Variants in TULP3 observed in about 807,000 individuals in gnomAD.
The protein encoded by TULP3 is TUB like protein 3, also known as tubby-related protein 3.
Under a neutral mutation model 50.7 loss-of-function variants are expected in TULP3, and 38 were observed. The ratio of observed to expected loss-of-function variants is 0.75; its 90% CI spans 0.58 to 0.98. The LOEUF is 0.98. TULP3 is among the 50% of genes least tolerant of loss of function. The pLI is 0.00. For missense variants in TULP3, 550 were observed against 568.0 expected (o/e 0.97, Z 0.32); for synonymous variants, 183 against 196.6 (o/e 0.93, Z 0.58).
intron 1 of TULP3, among the ~76,000 whole-genome samples, chr12:2,905,796 T>C (rs998905351): frequency 6.6e-6 from 1 of 151,896 alleles, no homozygotes; most frequent in Non-Finnish European, 1.5e-5. Context: ...TTGAAAACTT[T>C]AGTCATATGC....
chr12:2,924,404 A>G (rs1030374413), intron 4 of TULP3, among the ~76,000 whole-genome samples: 4 of 152,294 alleles, frequency 2.6e-5, no homozygotes, highest in South Asian at 4.1e-4. Context: ...AAGGCTGGAC[A>G]TGGTGGCTCA....
intron 3 of TULP3, among the ~76,000 whole-genome samples, chr12:2,921,531 A>G (rs1189575402): frequency 1.3e-5 from 2 of 152,170 alleles, no homozygotes; most frequent in Non-Finnish European, 2.9e-5. Context: ...GAGGTGAATC[A>G]TGAAGCCGGG....
intron 2 of TULP3, among the ~76,000 whole-genome samples, chr12:2,911,501 T>C (rs1366180211): frequency 3.3e-5 from 5 of 150,398 alleles, no homozygotes; most frequent in African/African-American, 4.9e-5. Flanking sequence ...TACAGGCGCC[T>C]GCCACCACGC....
intron 2 of TULP3, among the ~76,000 whole-genome samples, chr12:2,920,108 G>A (rs190162529): frequency 1.3e-5 from 2 of 151,820 alleles, no homozygotes; most frequent in African/African-American, 2.4e-5. Flanking sequence ...CCCTTGCTGT[G>A]TTCCTCCATC....
intron 4 of TULP3, among the ~76,000 whole-genome samples, chr12:2,927,958 C>T (rs1461308901): frequency 2.6e-5 from 4 of 152,124 alleles, no homozygotes; most frequent in Non-Finnish European, 5.9e-5. Context: ...TGTACTCCCA[C>T]ATATAAATCT....
chr12:2,916,079 G>A (rs2098188507), intron 2 of TULP3, among the ~76,000 whole-genome samples: 1 of 152,100 alleles, frequency 6.6e-6, no homozygotes, highest in Admixed American at 6.6e-5. Flanking sequence ...GCGCGATCTT[G>A]GCTCACTGCA....
intron 2 of TULP3, among the ~76,000 whole-genome samples, chr12:2,914,802 T>C (rs2098187695): frequency 2.0e-5 from 3 of 151,696 alleles, no homozygotes; most frequent in Non-Finnish European, 4.4e-5. Context: ...CTGGCTAATT[T>C]TTGTATTTTT....
intron 2 of TULP3, among the ~76,000 whole-genome samples, chr12:2,919,805 T>G (rs192761863): frequency 6.6e-6 from 1 of 152,156 alleles, no homozygotes; most frequent in East Asian, 1.9e-4. Context: ...CTTTTCTTGC[T>G]ACCATAGTCT....
chr12:2,902,893 G>A (rs1248997516), intron 1 of TULP3, among the ~76,000 whole-genome samples: 6 of 143,826 alleles, frequency 4.2e-5, no homozygotes, highest in Non-Finnish European at 6.0e-5. Flanking sequence ...ACAGAGTCTC[G>A]CGCTGTTGCC....
chr12:2,895,373 A>G (rs559504940), intron 1 of TULP3, among the ~76,000 whole-genome samples: 1 of 152,318 alleles, frequency 6.6e-6, no homozygotes, highest in African/African-American at 2.4e-5. Context: ...TTTCAAGTAG[A>G]GGACAGCTGA....
At chr12:2,903,758 CT>C (rs1361823132) in intron 1 of TULP3, among the ~76,000 whole-genome samples, 9 of 151,938 alleles carry the variant, frequency 5.9e-5, no homozygotes, top group Non-Finnish European at 1.0e-4. Flanking sequence ...CAAGTTTCCC[CT>C]AATGTTAACG....
At chr12:2,911,358 T>C (rs2153948905) in intron 2 of TULP3, among the ~76,000 whole-genome samples, 1 of 148,668 alleles carries the variant, frequency 6.7e-6, no homozygotes, top group Middle Eastern at 3.5e-3. Flanking sequence ...GTCAGTGAAT[T>C]TTTTTTTTTT....
At chr12:2,934,616 TTTTCACCTAGTGTC>T in intron 8 of TULP3, 55 bp downstream of exon 8, 7 of 1,193,306 alleles carry the variant, frequency 5.9e-6, no homozygotes, top group Non-Finnish European at 8.1e-6. Flanking sequence ...CTGCTGGCAC[TTTTCACCTAGTGTC>T]GCTGAAGAAC....
chr12:2,909,650 T>C, intron 2 of TULP3, 70 bp downstream of exon 2: 1 of 1,458,914 alleles, frequency 6.9e-7, no homozygotes, highest in Admixed American at 2.3e-5. Flanking sequence ...GTCTTGGCTC[T>C]GAAGCCTTTG....
At chr12:2,918,865 C>T (rs1487915375) in intron 2 of TULP3, among the ~76,000 whole-genome samples, 1 of 151,450 alleles carries the variant, frequency 6.6e-6, no homozygotes, top group Non-Finnish European at 1.5e-5. Flanking sequence ...ATCCATTATA[C>T]AAGACCTCTT....
At chr12:2,894,561 ACACACG>A (rs952313657) in intron 1 of TULP3, among the ~76,000 whole-genome samples, 2 of 151,520 alleles carry the variant, frequency 1.3e-5, no homozygotes, top group Non-Finnish European at 2.9e-5. Flanking sequence ...ACACACACAC[ACACACG>A]CACGCACACA....
rs527634636 is a variant in TULP3, at chr12:2,935,481, C to G, written c.924+920C>G. Among the ~76,000 whole-genome samples the G allele has an allele frequency of 2.6e-5, 4 of 152,280 alleles. No homozygotes were observed. In the South Asian group the frequency reaches 8.3e-4, roughly 32 times the overall value. On this transcript the variant is annotated intron_variant, in intron 8 of 10. Coordinates refer to ENST00000448120, the MANE Select transcript of TULP3 (RefSeq NM_003324.5). ...ATATCCATACTAGCACATGGCTTGG[C>G]ACACAGTAGATATTCAAAGAGTTGT... is the stretch of plus-strand genomic sequence containing the variant.
intron 1 of TULP3, among the ~76,000 whole-genome samples, chr12:2,905,221 C>G (rs1193681005): frequency 1.4e-5 from 2 of 147,894 alleles, no homozygotes; most frequent in Non-Finnish European, 3.0e-5. Flanking sequence ...GAGTCTCGCT[C>G]TCTTGCCAGG....
In TULP3 at chr12:2,914,055, C is replaced by T. The variant is rs571108999; in HGVS notation, c.93+4475C>T. Reference sequence around the variant, plus strand: ...TATTTAAGGTATCCATCACCTCAAACATTTGTCATTTCTTTGTGTTGGGAA... The same window carrying T: ...TATTTAAGGTATCCATCACCTCAAATATTTGTCATTTCTTTGTGTTGGGAA... On this transcript the variant is annotated intron_variant, in intron 2 of 10. Coordinates refer to ENST00000448120, the MANE Select transcript of TULP3 (RefSeq NM_003324.5). 6.6e-5 allele frequency among the ~76,000 whole-genome samples: 10 copies of T among 151,868 alleles called. No individual in the cohort carries two copies. The South Asian group carries it at 1.9e-3, about 28-fold the overall frequency.
Sources: gnomAD v4.1 joint callset for allele counts (sites outside exome capture counted in the v4.1 genomes callset) on GRCh38, gnomAD v4.1.1 for gene constraint, MANE v1.5 for transcripts, NCBI Gene and HGNC (gene_info 2026-07-23, HGNC 2026-07-21) for gene names.